SDK1: variants seen among roughly 807,000 people sequenced by gnomAD.
SDK1 encodes the protein protein sidekick-1.
In SDK1, 157 loss-of-function variants were observed where a neutral mutation model predicts 245.5. The observed-to-expected ratio is 0.64, with a 90% CI of 0.56 to 0.73. SDK1 has a LOEUF of 0.73. Among genes scored for constraint, SDK1 ranks in the 30% least tolerant of loss-of-function variants. SDK1 has a pLI of 0.00. For missense variants in SDK1, 3,583 were observed against 3,002.3 expected (o/e 1.19, Z -4.52); for synonymous variants, 1,647 against 1,278.5 (o/e 1.29, Z -6.15).
At chr7:3,424,887 A>G (rs1779633801) in intron 1 of SDK1, among the ~76,000 whole-genome samples, 1 of 152,180 alleles carries the variant, frequency 6.6e-6, no homozygotes, top group East Asian at 1.9e-4. Context: ...ACAGAGCAAG[A>G]CCCTGTCTCA....
intron 1 of SDK1, among the ~76,000 whole-genome samples, chr7:3,437,481 C>T (rs1780062616): frequency 6.6e-6 from 1 of 152,048 alleles, no homozygotes; most frequent in Non-Finnish European, 1.5e-5. Context: ...GTCAAAATTA[C>T]GTGTGATCGG....
At chr7:3,534,932 A>C (rs1778831823) in intron 1 of SDK1, among the ~76,000 whole-genome samples, 1 of 152,156 alleles carries the variant, frequency 6.6e-6, no homozygotes, top group African/African-American at 2.4e-5. Context: ...CAGTCAGTGG[A>C]CAGCTCATTT....
intron 1 of SDK1, among the ~76,000 whole-genome samples, chr7:3,309,501 T>G (rs1378345627): frequency 6.7e-6 from 1 of 148,866 alleles, no homozygotes; most frequent in Non-Finnish European, 1.5e-5. Context: ...AATAGAATAG[T>G]GGCAGAGTGT....
At chr7:3,709,604 T>C (rs540185237) in intron 4 of SDK1, among the ~76,000 whole-genome samples, 93 of 152,370 alleles carry the variant, frequency 6.1e-4, no homozygotes, top group Non-Finnish European at 5.4e-4. Flanking sequence ...CTTCATTGTT[T>C]CTTGGAAGAA....
intron 4 of SDK1, among the ~76,000 whole-genome samples, chr7:3,702,392 C>T (rs1218414572): frequency 6.6e-6 from 1 of 152,154 alleles, no homozygotes; most frequent in Non-Finnish European, 1.5e-5. Flanking sequence ...TTTTTCAACT[C>T]ACTTCTTGGA....
intron 1 of SDK1, among the ~76,000 whole-genome samples, chr7:3,562,587 G>T (rs1001932354): frequency 3.9e-5 from 6 of 152,180 alleles, no homozygotes. Flanking sequence ...GGACGAGGCA[G>T]CCATAGGTGT....
At chr7:3,725,039 A>G (rs1207372098) in intron 4 of SDK1, among the ~76,000 whole-genome samples, 2 of 152,372 alleles carry the variant, frequency 1.3e-5, no homozygotes, top group African/African-American at 4.8e-5. Flanking sequence ...TTATTTAGCC[A>G]CATCCTGATT....
At chr7:3,801,936 A>G (rs1303269564) in intron 4 of SDK1, among the ~76,000 whole-genome samples, 1 of 152,182 alleles carries the variant, frequency 6.6e-6, no homozygotes, top group Non-Finnish European at 1.5e-5. Context: ...ACAGCTTGTT[A>G]GTTTTAGTTT....
chr7:4,196,772 A>G (rs1783603131), intron 35 of SDK1, among the ~76,000 whole-genome samples: 1 of 152,208 alleles, frequency 6.6e-6, no homozygotes, highest in African/African-American at 2.4e-5. Context: ...ATGCCATCCC[A>G]GGCACACAGA....
intron 30 of SDK1, among the ~76,000 whole-genome samples, chr7:4,150,170 C>G (rs986939306): frequency 1.3e-5 from 2 of 152,168 alleles, no homozygotes; most frequent in African/African-American, 4.8e-5. Context: ...GAAGCCACCC[C>G]AGGAGTCCAC....
chr7:3,508,558 C>A (rs1207276965), intron 1 of SDK1, among the ~76,000 whole-genome samples: 1 of 152,056 alleles, frequency 6.6e-6, no homozygotes, highest in Non-Finnish European at 1.5e-5. Context: ...GAACTCCTGA[C>A]CTCAAATGAT....
chr7:4,249,226 TGA>T (rs1209099760), intron 44 of SDK1, among the ~76,000 whole-genome samples: 1 of 152,146 alleles, frequency 6.6e-6, no homozygotes, highest in Non-Finnish European at 1.5e-5. Flanking sequence ...AAGCCGAGAC[TGA>T]GAGTTTTTGA....
At chr7:3,480,060 C>A (rs1396614763) in intron 1 of SDK1, among the ~76,000 whole-genome samples, 1 of 152,138 alleles carries the variant, frequency 6.6e-6, no homozygotes, top group Non-Finnish European at 1.5e-5. Flanking sequence ...TGTCCCTTTA[C>A]ATGGCAAAGG....
intron 5 of SDK1, among the ~76,000 whole-genome samples, chr7:3,882,565 G>C (rs530623943): frequency 1.3e-5 from 2 of 152,322 alleles, no homozygotes; most frequent in African/African-American, 2.4e-5. Context: ...ATCTGACCTA[G>C]TCTGGGATGA....
chr7:3,418,971 A>G (rs1248903034), intron 1 of SDK1, among the ~76,000 whole-genome samples: 3 of 152,162 alleles, frequency 2.0e-5, no homozygotes, highest in African/African-American at 4.8e-5. Context: ...TGTAGGGACC[A>G]TGTTCTTGTG....
intron 4 of SDK1, among the ~76,000 whole-genome samples, chr7:3,809,493 C>T (rs1406953024): frequency 6.6e-6 from 1 of 152,168 alleles, no homozygotes; most frequent in East Asian, 1.9e-4. Flanking sequence ...CTGCTGGGCA[C>T]AGCTTTGTCA....
intron 35 of SDK1, among the ~76,000 whole-genome samples, chr7:4,192,317 C>T (rs766934240): frequency 1.3e-5 from 2 of 152,148 alleles, no homozygotes; most frequent in African/African-American, 2.4e-5. Flanking sequence ...ACTCTGTCGC[C>T]CAGGCTGGAT....
At chr7:3,613,746 C>T (rs1562602768) in intron 1 of SDK1, among the ~76,000 whole-genome samples, 2 of 152,240 alleles carry the variant, frequency 1.3e-5, no homozygotes, top group East Asian at 3.9e-4. Context: ...CAATGATAGA[C>T]TGGATAAAGA....
intron 4 of SDK1, among the ~76,000 whole-genome samples, chr7:3,804,277 T>G (rs1324279480): frequency 6.6e-6 from 1 of 152,200 alleles, no homozygotes; most frequent in Non-Finnish European, 1.5e-5. Context: ...TATATGAGGG[T>G]TTGGCTGAGG....
Sources: gnomAD v4.1 joint callset for allele counts (sites outside exome capture counted in the v4.1 genomes callset) on GRCh38, gnomAD v4.1.1 for gene constraint, MANE v1.5 for transcripts, NCBI Gene and HGNC (gene_info 2026-07-23, HGNC 2026-07-21) for gene names.